Variants in LIPC observed in about 807,000 individuals in gnomAD.
The protein encoded by LIPC is hepatic triacylglycerol lipase.
Under a neutral mutation model 50.7 loss-of-function variants are expected in LIPC, and 44 were observed. The ratio of observed to expected loss-of-function variants is 0.87; its 90% CI spans 0.68 to 1.11. The LOEUF is 1.11. Ranked by LOEUF, LIPC falls within the 50% of genes most tolerant of loss-of-function variation. The pLI, the probability that LIPC is intolerant of heterozygous loss-of-function variation, is 0.00. For synonymous variants in LIPC, 271 were observed against 256.4 expected, an observed-to-expected ratio of 1.06 and a Z score of -0.54; for missense variants, 697 against 648.2, an observed-to-expected ratio of 1.08 and a Z score of -0.82.
chr15:58,489,173 T>C (rs141822251), intron 1 of LIPC, among the ~76,000 whole-genome samples: 242 of 137,548 alleles, frequency 1.8e-3, no homozygotes, highest in African/African-American at 6.2e-3. Flanking sequence ...CCAAAGCATC[T>C]TTCTGCTGGC....
intron 1 of LIPC, among the ~76,000 whole-genome samples, chr15:58,455,295 C>CA (rs1180687020): frequency 1.3e-5 from 2 of 152,194 alleles, no homozygotes; most frequent in Admixed American, 6.5e-5. Flanking sequence ...TCTGCTATTG[C>CA]AGCACAAAAG....
intron 1 of LIPC, among the ~76,000 whole-genome samples, chr15:58,440,595 C>T (rs1893470747): frequency 6.6e-6 from 1 of 152,212 alleles, no homozygotes; most frequent in Admixed American, 6.5e-5. Flanking sequence ...GTGCCAGGGT[C>T]TCTAGCCCCT....
At chr15:58,506,925 A>G (rs746200522) in intron 1 of LIPC, among the ~76,000 whole-genome samples, 6 of 152,372 alleles carry the variant, frequency 3.9e-5, no homozygotes, top group Non-Finnish European at 4.4e-5. Context: ...CAATCATTGC[A>G]GAGGAGGAAG....
intron 1 of LIPC, among the ~76,000 whole-genome samples, chr15:58,444,749 A>T (rs1331968053): frequency 1.3e-5 from 2 of 152,204 alleles, no homozygotes. Flanking sequence ...AAGCAGTCAC[A>T]TTCTGAGGTA....
rs1423413668 is a variant in LIPC at position 58,548,416 on chromosome 15, GC to G, written c.897del (p.Tyr300ThrfsTer6). The G allele has an allele frequency of 6.2e-7, 1 of 1,613,996 alleles. No homozygotes were observed. Among genetic ancestry groups the G allele is most frequent in the African/African-American group, 1.3e-5 (1 of 74,938 alleles). On this transcript the variant is annotated frameshift_variant, in exon 6 of 9. Coordinates refer to ENST00000299022, the MANE Select transcript of LIPC (RefSeq NM_000236.3). LOFTEE classifies it high-confidence loss of function. ...SLLHAGTQSM[A>X]YPCGDMNSFS... is the part of the protein sequence containing the mutation. The stretch of plus-strand genomic sequence containing the variant: ...GCTGCACGCCGGCACGCAGAGCATG[GC>G]CTACCCGTGTGGTGACATGAACAGC...
intron 1 of LIPC, among the ~76,000 whole-genome samples, chr15:58,499,751 A>G (rs1319940829): frequency 6.6e-6 from 1 of 152,192 alleles, no homozygotes; most frequent in Middle Eastern, 3.2e-3. Context: ...TCTTCTTGCT[A>G]AACAAGTTGG....
intron 1 of LIPC, among the ~76,000 whole-genome samples, chr15:58,526,004 G>A (rs1203435244): frequency 2.0e-5 from 3 of 152,154 alleles, no homozygotes; most frequent in South Asian, 2.1e-4. Flanking sequence ...ATCTGTAAAC[G>A]TGCCCAGAAT....
chr15:58,462,924 G>C (rs1894408355), intron 1 of LIPC, among the ~76,000 whole-genome samples: 1 of 152,226 alleles, frequency 6.6e-6, no homozygotes, highest in Non-Finnish European at 1.5e-5. Flanking sequence ...GTGCTCATTA[G>C]CACTGCACAG....
At chr15:58,436,981 C>A in intron 1 of LIPC, 2 of 412,136 alleles carry the variant, frequency 4.9e-6, no homozygotes, top group South Asian at 1.8e-5. Context: ...CTGCAACAAA[C>A]TGGAAACAAT....
intron 6 of LIPC, among the ~76,000 whole-genome samples, chr15:58,549,911 A>G (rs1430468062): frequency 6.6e-6 from 1 of 152,216 alleles, no homozygotes; most frequent in Non-Finnish European, 1.5e-5. Context: ...CTGCCAATTA[A>G]AGACTCATTT....
Position 58,563,684 on chromosome 15 carries a change from T to G in LIPC, c.1349T>G (p.Leu450Arg), listed in dbSNP as rs1894252761. ...STGPRHSGLV[L>R]KTIRVKAGET... ...GGGCCGCGCCACTCAGGCCTCGTTC[T>G]GAAGACGATCAGAGTCAAAGCAGGA... The change falls in exon 8 of 9, where the codon CTG becomes CGG. Residue 450 changes from leucine (L) to arginine (R), a missense_variant. Coordinates refer to ENST00000299022, the MANE Select transcript of LIPC (RefSeq NM_000236.3). 6.2e-7 allele frequency: 1 copy of G among 1,613,726 alleles called. No individual in the cohort carries two copies. The highest frequency in any genetic ancestry group is 1.1e-5 in the South Asian group (1 of 91,052).
chr15:58,545,669 CA>C, intron 4 of LIPC, 72 bp from the exon 5 acceptor site: 2 of 1,291,908 alleles, frequency 1.5e-6, no homozygotes, highest in African/African-American at 1.5e-5. Context: ...TAATAATATC[CA>C]AAAGCTAAAA....
At chr15:58,520,814 A>G (rs776864481) in intron 1 of LIPC, among the ~76,000 whole-genome samples, 13 of 152,160 alleles carry the variant, frequency 8.5e-5, no homozygotes, top group Non-Finnish European at 8.8e-5. Flanking sequence ...CTTTTTCCCC[A>G]TAACTCCTAT....
intron 7 of LIPC, among the ~76,000 whole-genome samples, chr15:58,563,022 C>A (rs1041073317): frequency 3.3e-5 from 5 of 152,142 alleles, no homozygotes; most frequent in African/African-American, 9.7e-5. Flanking sequence ...TCGGTGCATC[C>A]TTTTTATGTG....
At chr15:58,559,595 T>A (rs1351959483) in intron 6 of LIPC, among the ~76,000 whole-genome samples, 2 of 151,272 alleles carry the variant, frequency 1.3e-5, no homozygotes, top group Non-Finnish European at 2.9e-5. Context: ...GCTAGAACAC[T>A]GTAGATGCTT....
intron 1 of LIPC, among the ~76,000 whole-genome samples, chr15:58,488,697 G>A (rs1389381031): frequency 1.3e-5 from 2 of 152,216 alleles, no homozygotes; most frequent in African/African-American, 2.4e-5. Flanking sequence ...GTTTAGGAGT[G>A]AAGAAATCCC....
At chr15:58,516,068 A>G (rs1892477511) in intron 1 of LIPC, among the ~76,000 whole-genome samples, 1 of 152,126 alleles carries the variant, frequency 6.6e-6, no homozygotes, top group Non-Finnish European at 1.5e-5. Context: ...CCATCCCAAC[A>G]TCTACCAACA....
chr15:58,518,521 G>C (rs145836199), intron 1 of LIPC, among the ~76,000 whole-genome samples: 245 of 152,260 alleles, frequency 1.6e-3, no homozygotes, highest in Middle Eastern at 0.01. Flanking sequence ...AACCTTCTGT[G>C]TTCTCGCTCC....
intron 1 of LIPC, among the ~76,000 whole-genome samples, chr15:58,450,713 G>T (rs1188383477): frequency 6.6e-6 from 1 of 152,114 alleles, no homozygotes; most frequent in Non-Finnish European, 1.5e-5. Flanking sequence ...TACTGAGTAG[G>T]TCACAGTCTT....
Sources: gnomAD v4.1 joint callset for allele counts (sites outside exome capture counted in the v4.1 genomes callset) on GRCh38, gnomAD v4.1.1 for gene constraint, MANE v1.5 for transcripts, NCBI Gene and HGNC (gene_info 2026-07-23, HGNC 2026-07-21) for gene names.